DOCK4: variants seen among roughly 807,000 people sequenced by gnomAD.
DOCK4 encodes the protein dedicator of cytokinesis 4.
Under a neutral mutation model 268.1 loss-of-function variants are expected in DOCK4, and 97 were observed. The observed-to-expected ratio is 0.36, with a 90% CI of 0.31 to 0.43. The LOEUF (loss-of-function observed/expected upper bound fraction) is 0.43. Among genes scored for constraint, DOCK4 ranks in the 20% least tolerant of loss-of-function variants. DOCK4 has a pLI of 1.00. For synonymous variants in DOCK4, 954 were observed against 887.2 expected, an observed-to-expected ratio of 1.08 and a Z score of -1.34; for missense variants, 2,145 against 2,455.7, an observed-to-expected ratio of 0.87 and a Z score of 2.67.
intron 1 of DOCK4, among the ~76,000 whole-genome samples, chr7:112,022,259 C>T (rs998262002): frequency 6.6e-6 from 1 of 152,204 alleles, no homozygotes; most frequent in Non-Finnish European, 1.5e-5. Context: ...GAAGTATCCA[C>T]AAATATAGTA....
intron 27 of DOCK4, chr7:111,819,448 A>C (rs1224616815): frequency 5.3e-5 from 8 of 152,218 alleles, no homozygotes; most frequent in Admixed American, 5.2e-4. Context: ...CTCTACAGCA[A>C]ACAAGAAAGA....
chr7:112,091,941 A>T (rs1343544816), intron 1 of DOCK4, among the ~76,000 whole-genome samples: 1 of 152,110 alleles, frequency 6.6e-6, no homozygotes, highest in East Asian at 1.9e-4. Context: ...TCCCCATTTG[A>T]CCATGTCAGT....
rs938181639 is a variant in DOCK4, at chr7:112,206,189, T to A, written c.-51A>T. On this transcript the variant is annotated 5_prime_UTR_variant, in exon 1 of 53. Coordinates refer to ENST00000428084, the MANE Select transcript of DOCK4 (RefSeq NM_001363540.2). ...GGCTTTGTAATCCCCGCGCCCCTTC[T>A]CCGGCTCACAACAATGCACAGTCCC... 1 of 1,541,578 alleles carries A rather than the reference T, an allele frequency of 6.5e-7. No individual in the cohort carries two copies. Among genetic ancestry groups the A allele is most frequent in the African/African-American group, 1.4e-5 (1 of 72,932 alleles).
intron 1 of DOCK4, among the ~76,000 whole-genome samples, chr7:112,044,013 C>T (rs1051112846): frequency 6.6e-6 from 1 of 150,502 alleles, no homozygotes; most frequent in Non-Finnish European, 1.5e-5. Flanking sequence ...GACTTAAATG[C>T]TTTACTTATG....
chr7:111,894,662 A>G (rs569880103), intron 16 of DOCK4, among the ~76,000 whole-genome samples: 12 of 152,332 alleles, frequency 7.9e-5, no homozygotes, highest in Middle Eastern at 3.4e-3. Flanking sequence ...GGAAGAGCAG[A>G]AAGAGCCAGC....
At chr7:112,057,030 T>C (rs1482969481) in intron 1 of DOCK4, among the ~76,000 whole-genome samples, 1 of 152,210 alleles carries the variant, frequency 6.6e-6, no homozygotes, top group Non-Finnish European at 1.5e-5. Flanking sequence ...ATTTATTGTA[T>C]ATAAATTATA....
At chr7:112,034,835 G>C (rs942680949) in intron 1 of DOCK4, among the ~76,000 whole-genome samples, 9 of 152,148 alleles carry the variant, frequency 5.9e-5, no homozygotes. Context: ...CCGGGAGGCG[G>C]AGGTTGCAGT....
intron 25 of DOCK4, chr7:111,840,759 TCA>T (rs1803619027): frequency 1.6e-6 from 2 of 1,276,368 alleles, no homozygotes; most frequent in Non-Finnish European, 2.0e-6. Context: ...CTGCGTTTAC[TCA>T]CAGTGTGTCT....
chr7:112,012,789 G>GT (rs997184000), intron 1 of DOCK4, among the ~76,000 whole-genome samples: 18 of 150,992 alleles, frequency 1.2e-4, no homozygotes, highest in East Asian at 7.8e-4. Context: ...GTTACTTTTA[G>GT]TTTTTTTTTA....
chr7:111,751,621 T>G (rs1452948540), intron 42 of DOCK4, among the ~76,000 whole-genome samples: 1 of 152,184 alleles, frequency 6.6e-6, no homozygotes, highest in East Asian at 1.9e-4. Context: ...CTTTTTGTAT[T>G]TTTTGTAGCG....
intron 1 of DOCK4, among the ~76,000 whole-genome samples, chr7:112,197,862 C>G (rs1820592110): frequency 6.6e-6 from 1 of 151,210 alleles, no homozygotes; most frequent in South Asian, 2.1e-4. Flanking sequence ...TCACTTTCTA[C>G]TAGACCTCAT....
At chr7:112,155,729 A>G (rs915804261) in intron 1 of DOCK4, among the ~76,000 whole-genome samples, 1 of 152,100 alleles carries the variant, frequency 6.6e-6, no homozygotes, top group African/African-American at 2.4e-5. Context: ...TGAGTTTGTC[A>G]GTGGTTCTGC....
chr7:111,855,607 G>A (rs1314830782), intron 23 of DOCK4, among the ~76,000 whole-genome samples: 1 of 152,156 alleles, frequency 6.6e-6, no homozygotes, highest in Non-Finnish European at 1.5e-5. Flanking sequence ...AAATATAAAT[G>A]TGAGAGTTAG....
At chr7:111,985,572 C>T (rs977908681) in intron 6 of DOCK4, among the ~76,000 whole-genome samples, 2 of 152,150 alleles carry the variant, frequency 1.3e-5, no homozygotes, top group Non-Finnish European at 2.9e-5. Context: ...AAGCCAGGCA[C>T]TGCCCCAGCC....
chr7:111,852,556 A>T (rs982534245), intron 23 of DOCK4, among the ~76,000 whole-genome samples: 4 of 151,944 alleles, frequency 2.6e-5, no homozygotes, highest in Non-Finnish European at 5.9e-5. Flanking sequence ...ATTGCCTAGT[A>T]ATGTTTAATT....
At chr7:112,165,357 C>A (rs62475996) in intron 1 of DOCK4, among the ~76,000 whole-genome samples, 43,716 of 151,714 alleles carry the variant, frequency 0.29, 7,776 homozygotes, top group African/African-American at 0.51. Context: ...ATCTATCTTT[C>A]CATGCTCTAC....
chr7:111,811,833 C>A, intron 28 of DOCK4, 41 bp downstream of exon 28: 2 of 1,203,472 alleles, frequency 1.7e-6, no homozygotes, highest in South Asian at 1.3e-5. Context: ...CAATGTGATT[C>A]TTTTAGCCCA....
intron 14 of DOCK4, among the ~76,000 whole-genome samples, chr7:111,900,853 G>T (rs900077178): frequency 6.6e-6 from 1 of 152,138 alleles, no homozygotes; most frequent in Admixed American, 6.5e-5. Flanking sequence ...AGCCTGTTTT[G>T]TGCCTCAGTA....
intron 1 of DOCK4, among the ~76,000 whole-genome samples, chr7:112,116,617 C>A (rs1417242646): frequency 6.6e-6 from 1 of 152,150 alleles, no homozygotes; most frequent in Non-Finnish European, 1.5e-5. Context: ...TGAGCTCTGG[C>A]CACAATTCTG....
Sources: allele counts gnomAD v4.1 joint callset (sites outside exome capture counted in the v4.1 genomes callset), GRCh38; gene constraint gnomAD v4.1.1; transcripts MANE v1.5; gene names NCBI Gene and HGNC (gene_info 2026-07-23, HGNC 2026-07-21).